CCDC7: variants seen among roughly 807,000 people sequenced by gnomAD.
CCDC7 encodes the protein coiled-coil domain-containing protein 7.
CCDC7 carries 183 observed loss-of-function variants against 196.9 expected under a neutral mutation model. The ratio of observed to expected loss-of-function variants is 0.93; its 90% CI spans 0.82 to 1.05. CCDC7 has a LOEUF of 1.05. Ranked by LOEUF, CCDC7 falls within the 50% of genes least tolerant of loss-of-function variation. The probability of loss-of-function intolerance (pLI) is 0.00; values close to 1 mark genes in which losing one functional copy is unlikely to be tolerated. For synonymous variants in CCDC7, 525 were observed against 484.6 expected (o/e 1.08, Z -1.10); for missense variants, 1,540 against 1,482.2 (o/e 1.04, Z -0.64).
At chr10:32,808,073 T>A (rs1311655851) in intron 30 of CCDC7, among the ~76,000 whole-genome samples, 2 of 152,090 alleles carry the variant, frequency 1.3e-5, no homozygotes, top group African/African-American at 4.8e-5. Flanking sequence ...CACAGTTGGA[T>A]GCACCCTGAG....
At chr10:32,731,486 C>A (rs1379827384) in intron 28 of CCDC7, among the ~76,000 whole-genome samples, 1 of 151,760 alleles carries the variant, frequency 6.6e-6, no homozygotes, top group African/African-American at 2.4e-5. Flanking sequence ...TATTTTATTT[C>A]TTTCCTTATT....
chr10:32,865,769 T>C (rs984824091), intron 41 of CCDC7, among the ~76,000 whole-genome samples: 1 of 151,862 alleles, frequency 6.6e-6, no homozygotes, highest in Non-Finnish European at 1.5e-5. Context: ...TCTAGTCATA[T>C]GTTTGGTTTT....
At chr10:32,643,641 A>G (rs1382839025) in intron 20 of CCDC7, among the ~76,000 whole-genome samples, 1 of 151,902 alleles carries the variant, frequency 6.6e-6, no homozygotes, top group Non-Finnish European at 1.5e-5. Context: ...TTTTAAATCA[A>G]TTATTTCTGT....
exon 12 of CCDC7, chr10:32,543,369 T>C (rs1187443598): frequency 2.8e-6 from 4 of 1,410,186 alleles, no homozygotes; most frequent in East Asian, 5.1e-5. Flanking sequence ...CAAAGGAAAA[T>C]CTGAGGATTC....
rs2041617965 is a variant in CCDC7, at chr10:32,488,490, T to C, written c.797-3432T>C. Among the ~76,000 whole-genome samples the C allele has an allele frequency of 2.0e-5, 3 of 152,286 alleles. 1 individual carries two copies. Among genetic ancestry groups the C allele is most frequent in the Admixed American group, 2.0e-4 (3 of 15,298 alleles). On this transcript the variant is annotated intron_variant, in intron 8 of 41. Coordinates refer to ENST00000639629, the Ensembl canonical transcript of CCDC7. ...GATGCTCGTTGCGCTGCACCCAGTG[T>C]CCTGCACCCACTTTCCGACACTCCC...
chr10:32,642,430 G>T (rs893835349), intron 20 of CCDC7, among the ~76,000 whole-genome samples: 6 of 152,214 alleles, frequency 3.9e-5, no homozygotes, highest in African/African-American at 1.4e-4. Flanking sequence ...AGGCTCCGTG[G>T]GCGTAGGACC....
chr10:32,619,796 G>T (rs753224679), intron 18 of CCDC7, among the ~76,000 whole-genome samples: 1 of 151,096 alleles, frequency 6.6e-6, no homozygotes, highest in Non-Finnish European at 1.5e-5. Context: ...ACAAGGTCTT[G>T]CTATGTTGCC....
chr10:32,735,143 G>A (rs1431660018), intron 28 of CCDC7, among the ~76,000 whole-genome samples: 2 of 151,974 alleles, frequency 1.3e-5, no homozygotes, highest in Non-Finnish European at 2.9e-5. Context: ...TCATTAATTA[G>A]GTGCAAAACA....
Position 32,638,790 on chromosome 10 carries a change from G to A in CCDC7, c.2014+3632G>A, listed in dbSNP as rs185464309. Reference sequence around the variant, plus strand: ...CCCTCTTTTTCTATTGATTGGAATAGTTTCAGAAGGAATGGTACCAGCTTC... The same window carrying A: ...CCCTCTTTTTCTATTGATTGGAATAATTTCAGAAGGAATGGTACCAGCTTC... On this transcript the variant is annotated intron_variant, in intron 20 of 41. Transcript: ENST00000639629. 7.6e-3 allele frequency among the ~76,000 whole-genome samples: 1,157 copies of A among 152,298 alleles called. 23 individuals are homozygous for A. The highest frequency in any genetic ancestry group is 0.026 in the African/African-American group (1,068 of 41,568).
intron 31 of CCDC7, among the ~76,000 whole-genome samples, chr10:32,817,778 A>G (rs1311902546): frequency 6.6e-6 from 1 of 152,200 alleles, no homozygotes; most frequent in East Asian, 1.9e-4. Context: ...TTTACAGACA[A>G]GCAAATGTTG....
intron 21 of CCDC7, among the ~76,000 whole-genome samples, chr10:32,679,842 T>C (rs1260776612): frequency 1.3e-5 from 2 of 152,180 alleles, no homozygotes; most frequent in Admixed American, 1.3e-4. Flanking sequence ...TTAAGTATAT[T>C]AGTGGTCAAT....
At chr10:32,475,090 C>T (rs190810435) in intron 8 of CCDC7, among the ~76,000 whole-genome samples, 22 of 152,276 alleles carry the variant, frequency 1.4e-4, no homozygotes, top group Non-Finnish European at 2.9e-4. Flanking sequence ...CTGTATACAT[C>T]GAGGGGAATC....
At chr10:32,513,087 A>G (rs567706863) in intron 9 of CCDC7, 8 of 152,074 alleles carry the variant, frequency 5.3e-5, no homozygotes, top group South Asian at 2.1e-4. Flanking sequence ...AAGGAGTACA[A>G]TGTGCTCAAG....
At chr10:32,468,382 C>T (rs912346449) in intron 5 of CCDC7, among the ~76,000 whole-genome samples, 3 of 151,988 alleles carry the variant, frequency 2.0e-5, no homozygotes, top group African/African-American at 7.3e-5. Context: ...GCTCTTGGCT[C>T]GACTGTTGTT....
At chr10:32,826,070 G>T (rs984336020) in intron 32 of CCDC7, among the ~76,000 whole-genome samples, 1 of 152,160 alleles carries the variant, frequency 6.6e-6, no homozygotes, top group African/African-American at 2.4e-5. Context: ...TGCTGCCTGA[G>T]GCAACAGTGA....
chr10:32,584,229 A>C lies in CCDC7; in HGVS notation c.1729-3A>C. 1 of 1,557,950 alleles carries C rather than the reference A, an allele frequency of 6.4e-7. No homozygotes were observed. The highest frequency in any genetic ancestry group is 8.7e-7 in the Non-Finnish European group (1 of 1,146,336). ...ATTACTTATTACAACTTTTGTTATT[A>C]AGGCTGATGTTTCAGAAGAACAATT... is the stretch of plus-strand genomic sequence containing the variant. On this transcript the variant is annotated splice_polypyrimidine_tract_variant and splice_region_variant and intron_variant, in intron 17 of 41. Coordinates refer to ENST00000639629, the Ensembl canonical transcript of CCDC7.
chr10:32,708,951 C>T (rs1187668718), intron 24 of CCDC7, among the ~76,000 whole-genome samples: 1 of 152,158 alleles, frequency 6.6e-6, no homozygotes, highest in Non-Finnish European at 1.5e-5. Flanking sequence ...TACCATTTGA[C>T]CCAGCACTCC....
intron 8 of CCDC7, among the ~76,000 whole-genome samples, chr10:32,488,840 T>C (rs2041696816): frequency 6.6e-6 from 1 of 152,204 alleles, no homozygotes; most frequent in South Asian, 2.1e-4. Context: ...TGGACTAGTT[T>C]TATATGAAAA....
chr10:32,537,179 T>G (rs1006807303), intron 11 of CCDC7, among the ~76,000 whole-genome samples: 12 of 152,222 alleles, frequency 7.9e-5, no homozygotes, highest in African/African-American at 2.9e-4. Context: ...TTTTGACTTT[T>G]TAATAATTGG....
Sources: gnomAD v4.1 joint callset for allele counts (sites outside exome capture counted in the v4.1 genomes callset) on GRCh38, gnomAD v4.1.1 for gene constraint, MANE v1.5 for transcripts, NCBI Gene and HGNC (gene_info 2026-07-23, HGNC 2026-07-21) for gene names.